Variants in LINGO2 observed in about 807,000 individuals in gnomAD.
LINGO2 encodes leucine-rich repeat and immunoglobulin-like domain-containing nogo receptor-interacting protein 2.
Under a neutral mutation model 30.6 loss-of-function variants are expected in LINGO2, and 14 were observed. The observed-to-expected ratio is 0.46, with a 90% CI of 0.30 to 0.72. The LOEUF is 0.72. Among genes scored for constraint, LINGO2 ranks in the 30% least tolerant of loss-of-function variants. The pLI, the probability that LINGO2 is intolerant of heterozygous loss-of-function variation, is 0.07. For synonymous variants in LINGO2, 317 were observed against 288.5 expected (o/e 1.10, Z -1.00); for missense variants, 729 against 751.7 (o/e 0.97, Z 0.35).
intron 5 of LINGO2, among the ~76,000 whole-genome samples, chr9:27,958,868 A>G (rs140496956): frequency 3.0e-4 from 45 of 152,216 alleles, no homozygotes; most frequent in African/African-American, 1.1e-3. Context: ...AATTTTTATT[A>G]TTTATTTTAA....
At chr9:28,861,001 T>C in the LINGO2 span, among the ~76,000 whole-genome samples, 2 of 129,088 alleles carry the variant, frequency 1.5e-5, no homozygotes, top group Non-Finnish European at 3.1e-5. Flanking sequence ...ATTATATTTA[T>C]TAATATATAA....
chr9:28,555,606 C>T (rs1269693507), intron 1 of LINGO2, among the ~76,000 whole-genome samples: 2 of 151,934 alleles, frequency 1.3e-5, no homozygotes, highest in Admixed American at 6.6e-5. Context: ...GAAACTATTC[C>T]AATCAATAGA....
At position 28,474,668 on chromosome 9, in the gene LINGO2, G is replaced by T. The variant is rs187026563; in HGVS notation, c.-279+1272C>A. On this transcript the variant is annotated intron_variant, in intron 2 of 5. Transcript: ENST00000379992. Reference sequence around the variant, plus strand: ...CCATACAACAGGTTTGTTACTGTGTGTTCAGGCAGCCAAGGGTACTATGAG... The same window carrying T: ...CCATACAACAGGTTTGTTACTGTGTTTTCAGGCAGCCAAGGGTACTATGAG... Among the ~76,000 whole-genome samples, 570 of 152,292 alleles carry T rather than the reference G, an allele frequency of 3.7e-3. 4 individuals carry two copies. The highest frequency in any genetic ancestry group is 0.013 in the African/African-American group (532 of 41,568).
At chr9:28,306,753 A>T (rs1186715099) in intron 3 of LINGO2, among the ~76,000 whole-genome samples, 1 of 152,118 alleles carries the variant, frequency 6.6e-6, no homozygotes, top group African/African-American at 2.4e-5. Flanking sequence ...GGATATCACC[A>T]CTGATCCCAC....
the LINGO2 span, among the ~76,000 whole-genome samples, chr9:29,075,792 T>G: frequency 6.6e-6 from 1 of 151,990 alleles, no homozygotes; most frequent in Non-Finnish European, 1.5e-5. Flanking sequence ...GGCAATAGAG[T>G]GTCAACCAAA....
chr9:28,659,265 A>G (rs764909622), intron 1 of LINGO2, among the ~76,000 whole-genome samples: 5 of 152,120 alleles, frequency 3.3e-5, no homozygotes, highest in Non-Finnish European at 5.9e-5. Flanking sequence ...GAGGAAAGAT[A>G]TTAATATGAA....
the LINGO2 span, among the ~76,000 whole-genome samples, chr9:29,192,214 A>G: frequency 6.6e-6 from 1 of 152,140 alleles, no homozygotes; most frequent in East Asian, 1.9e-4. Flanking sequence ...TGAATTAGAT[A>G]CCCCTACCAT....
chr9:28,527,299 G>A (rs567994440), intron 1 of LINGO2, among the ~76,000 whole-genome samples: 2 of 152,202 alleles, frequency 1.3e-5, no homozygotes, highest in South Asian at 4.2e-4. Flanking sequence ...TTCTGTTTCT[G>A]TCTGTAGTCA....
intron 4 of LINGO2, among the ~76,000 whole-genome samples, chr9:28,013,246 C>T (rs911546458): frequency 1.3e-5 from 2 of 152,234 alleles, no homozygotes; most frequent in Non-Finnish European, 2.9e-5. Flanking sequence ...TCTTTTTCTT[C>T]TCCTTTATAT....
the LINGO2 span, among the ~76,000 whole-genome samples, chr9:28,868,086 C>T: frequency 6.6e-6 from 1 of 152,032 alleles, no homozygotes; most frequent in Non-Finnish European, 1.5e-5. Flanking sequence ...CTTTCTTACT[C>T]ATTATAGGTG....
At chr9:28,123,703 G>A (rs1045159232) in intron 4 of LINGO2, among the ~76,000 whole-genome samples, 10 of 151,092 alleles carry the variant, frequency 6.6e-5, no homozygotes, top group South Asian at 2.1e-4. Context: ...TCATTCTGTC[G>A]CCCAGGCTGG....
chr9:28,612,447 G>A lies in LINGO2; in HGVS notation c.-365+57753C>T, dbSNP rs531308100. On this transcript the variant is annotated intron_variant, in intron 1 of 5. Transcript: ENST00000379992. The stretch of plus-strand genomic sequence containing the variant: ...CACCAACACATGAAATCAGCTGGGA[G>A]GGGGGCTATGTCCTGGAAAGCCACA... 1.1e-3 allele frequency among the ~76,000 whole-genome samples: 170 copies of A among 152,280 alleles called. 1 individual carries two copies. The highest frequency in any genetic ancestry group is 2.0e-3 in the Non-Finnish European group (139 of 68,022).
intron 4 of LINGO2, among the ~76,000 whole-genome samples, chr9:28,189,581 GAGGGAGGA>G (rs1819712798): frequency 1.2e-4 from 1 of 8,650 alleles, no homozygotes. Flanking sequence ...GGAAGGAAGG[GAGGGAGGA>G]AGGAAGGAAG....
intron 4 of LINGO2, among the ~76,000 whole-genome samples, chr9:28,203,185 T>C (rs1236590818): frequency 2.0e-5 from 3 of 152,210 alleles, no homozygotes; most frequent in Non-Finnish European, 4.4e-5. Context: ...GAAAAGATGA[T>C]TTTAAATGTC....
intron 4 of LINGO2, among the ~76,000 whole-genome samples, chr9:28,219,814 C>T (rs974856259): frequency 1.3e-5 from 2 of 152,152 alleles, no homozygotes; most frequent in Non-Finnish European, 2.9e-5. Flanking sequence ...TGAAATGCTA[C>T]ATACTATGTT....
chr9:28,387,304 G>A (rs1821623478), intron 2 of LINGO2, among the ~76,000 whole-genome samples: 1 of 151,640 alleles, frequency 6.6e-6, no homozygotes, highest in Admixed American at 6.6e-5. Context: ...GCACCAATCA[G>A]CACTATAAAA....
At chr9:28,397,179 T>C (rs1320254167) in intron 2 of LINGO2, among the ~76,000 whole-genome samples, 1 of 152,050 alleles carries the variant, frequency 6.6e-6, no homozygotes, top group Non-Finnish European at 1.5e-5. Flanking sequence ...GTCTTGATAA[T>C]ATGTATAACT....
the LINGO2 span, among the ~76,000 whole-genome samples, chr9:29,092,395 G>A: frequency 1.3e-5 from 2 of 151,760 alleles, no homozygotes; most frequent in Admixed American, 1.3e-4. Flanking sequence ...AGTTTCCCAG[G>A]TACTCATAAA....
At chr9:28,513,384 T>C (rs1820492831) in intron 1 of LINGO2, among the ~76,000 whole-genome samples, 1 of 152,210 alleles carries the variant, frequency 6.6e-6, no homozygotes, top group African/African-American at 2.4e-5. Context: ...ATATCTGAAA[T>C]CTACATTGTT....
Sources: allele counts gnomAD v4.1 joint callset (sites outside exome capture counted in the v4.1 genomes callset), GRCh38; gene constraint gnomAD v4.1.1; transcripts MANE v1.5; gene names NCBI Gene and HGNC (gene_info 2026-07-23, HGNC 2026-07-21).